The following ZNF264 variants were observed in gnomAD, a reference collection of about 807,000 sequenced individuals.
The protein encoded by ZNF264 is zinc finger protein 264.
ZNF264 carries 11 observed loss-of-function variants against 11.2 expected under a neutral mutation model. The observed-to-expected ratio is 0.98, with a 90% CI of 0.62 to 1.63. ZNF264 has a LOEUF of 1.63. ZNF264 is among the 40% of genes most tolerant of loss of function. ZNF264 has a pLI of 0.00. For missense variants in ZNF264, 752 were observed against 768.1 expected, an observed-to-expected ratio of 0.98 and a Z score of 0.25; for synonymous variants, 309 against 279.8, an observed-to-expected ratio of 1.10 and a Z score of -1.04.
In ZNF264 at chr19:57,212,970, T is replaced by A; in HGVS notation, c.1873T>A (p.Ser625Thr). 1 of 1,603,998 alleles carries A rather than the reference T, an allele frequency of 6.2e-7. No homozygotes were observed. Among genetic ancestry groups the A allele is most frequent in the Non-Finnish European group, 8.5e-7 (1 of 1,174,132 alleles). Residue 625 changes from serine to threonine, a missense_variant, in exon 4 of 4, where the codon TCT becomes ACT. Ser to Thr is a moderately conservative substitution (Grantham distance 58). Transcript: ENST00000263095. ...QPYQRETPQVSSL is the reference protein window; with the variant it reads ...QPYQRETPQVTSL ...ATACCAAAGAGAAACCCCACAAGTG[T>A]CTTCACTGTGAGAAAACCTTCTGTT...
At position 57,191,932 on chromosome 19, in the gene ZNF264, A is replaced by G; in HGVS notation, c.19A>G (p.Thr7Ala). The change falls in exon 1 of 4, where the codon ACG becomes GCG. Residue 7 changes from threonine (T) to alanine (A), a missense_variant. Coordinates refer to ENST00000263095, the MANE Select transcript of ZNF264 (RefSeq NM_003417.5). ...TGACGTGATGGCGGCAGCGGTGCTG[A>G]CGGACCGGGCCCAGGTGAGTGGACG... MAAAVLTDRAQVSVTFD... is the reference protein window; with the variant it reads MAAAVLADRAQVSVTFD... 1 of 1,535,256 alleles carries G rather than the reference A, an allele frequency of 6.5e-7. No homozygotes were observed. Among genetic ancestry groups the G allele is most frequent in the East Asian group, 2.6e-5 (1 of 39,150 alleles).
chr19:57,193,922 G>A lies in ZNF264; in HGVS notation c.81G>A (p.Glu27=). 6.2e-7 allele frequency: 1 copy of A among 1,614,152 alleles called. No individual in the cohort carries two copies. Among genetic ancestry groups the A allele is most frequent in the Non-Finnish European group, 8.5e-7 (1 of 1,180,012 alleles). The change falls in exon 2 of 4, where the codon GAG becomes GAA. Residue 27 remains glutamate (E), a synonymous_variant. Transcript: ENST00000263095. The part of the protein sequence containing the change: ...DDVAVTFTKE[E]WGQLDLAQRT... ...TGGCTGTGACTTTCACCAAGGAGGA[G>A]TGGGGGCAGCTGGACCTAGCTCAGC...
chr19:57,207,842 T>C (rs1413568108), intron 3 of ZNF264, among the ~76,000 whole-genome samples: 1 of 152,130 alleles, frequency 6.6e-6, no homozygotes, highest in South Asian at 2.1e-4. Flanking sequence ...TTCTCCTGCC[T>C]CAGCCTCCCG....
rs2087286527 is a variant in ZNF264, at chr19:57,205,612, A to G, written c.256+120A>G. The G allele has an allele frequency of 4.6e-6, 4 of 866,602 alleles. No homozygotes were observed. The African/African-American group carries it at 5.0e-5, about 11-fold the overall frequency. The allele number at this position is 866,602 out of a possible 1,614,324, so 53.7% of individuals were successfully genotyped here. A position where few individuals can be genotyped will look rare whatever the true frequency, so the allele number is the denominator to read the frequency against. On this transcript the variant is annotated intron_variant, in intron 3 of 3. Transcript: ENST00000263095. ...TGGCCTCTCTCTATATAACTCTTAT[A>G]TAACTCTATCACACTAGAATGTTCC...
In ZNF264 at chr19:57,219,554, CTTG is replaced by C. The variant is rs1430739219; in HGVS notation, c.*6576_*6578del. On this transcript the variant is annotated 3_prime_UTR_variant, in exon 4 of 4. Coordinates refer to ENST00000263095, the MANE Select transcript of ZNF264 (RefSeq NM_003417.5). Reference sequence around the variant, plus strand: ...CTTCCATCATTTGTCCTCTTACTTCCTTGTTAGAACTTTGTGCTGCTGACCACC... The same window carrying C: ...CTTCCATCATTTGTCCTCTTACTTCCTTAGAACTTTGTGCTGCTGACCACC... The C allele has an allele frequency of 6.6e-6, 1 of 152,238 alleles. No homozygotes were observed. The highest frequency in any genetic ancestry group is 2.4e-5 in the African/African-American group (1 of 41,434). 9.4% of individuals were successfully genotyped at this position (152,238 alleles called of 1,614,324 possible).
At chr19:57,203,073 T>C (rs1054366453) in intron 2 of ZNF264, among the ~76,000 whole-genome samples, 1 of 152,038 alleles carries the variant, frequency 6.6e-6, no homozygotes, top group African/African-American at 2.4e-5. Context: ...GGTGTGAGAG[T>C]AGAGAAAAAA....
In ZNF264 at chr19:57,218,913, C is replaced by T. The variant is rs1599959036; in HGVS notation, c.*5932C>T. 1 of 152,138 alleles carries T rather than the reference C, an allele frequency of 6.6e-6. No individual in the cohort carries two copies. Among genetic ancestry groups the T allele is most frequent in the South Asian group, 2.1e-4 (1 of 4,828 alleles). The allele number at this position is 152,138 out of a possible 1,614,324, so 9.4% of individuals were successfully genotyped here. The stretch of plus-strand genomic sequence containing the variant: ...ACAACTATATTCCAAAGTCATGGTT[C>T]TCTGGTGGTTTGTCTTGACATTTGA... On this transcript the variant is annotated 3_prime_UTR_variant, in exon 4 of 4. Transcript: ENST00000263095.
intron 2 of ZNF264, among the ~76,000 whole-genome samples, chr19:57,202,336 C>T (rs1202137509): frequency 6.6e-6 from 1 of 151,950 alleles, no homozygotes; most frequent in Non-Finnish European, 1.5e-5. Context: ...AGGGCATATG[C>T]TGGGCCTCAT....
At chr19:57,194,907 T>C in intron 2 of ZNF264, 1 of 399,572 alleles carries the variant, frequency 2.5e-6, no homozygotes. Flanking sequence ...GTGGGAAGTA[T>C]TATTGTATTG....
chr19:57,202,295 A>C (rs142238603), intron 2 of ZNF264, among the ~76,000 whole-genome samples: 1 of 152,070 alleles, frequency 6.6e-6, no homozygotes, highest in African/African-American at 2.4e-5. Flanking sequence ...CATTGAAAGA[A>C]GAATTCATTA....
At chr19:57,211,030 C>T (rs533822762) in intron 3 of ZNF264, among the ~76,000 whole-genome samples, 1 of 152,188 alleles carries the variant, frequency 6.6e-6, no homozygotes, top group Non-Finnish European at 1.5e-5. Context: ...ACAGCATGTC[C>T]TTGCTTAGTT....
At chr19:57,211,233 T>A in intron 3 of ZNF264, 121 bp from the exon 4 acceptor site, 1 of 1,030,684 alleles carries the variant, frequency 9.7e-7, no homozygotes, top group South Asian at 1.8e-5. Context: ...GAATTTGAGA[T>A]ACAGAAAATA....
intron 3 of ZNF264, among the ~76,000 whole-genome samples, chr19:57,208,268 T>A (rs1431172103): frequency 6.6e-6 from 1 of 152,168 alleles, no homozygotes; most frequent in Non-Finnish European, 1.5e-5. Flanking sequence ...TAGATTTGGC[T>A]GGCACAGTGG....
At chr19:57,194,103 A>G in intron 2 of ZNF264, 102 bp downstream of exon 2, 2 of 1,470,620 alleles carry the variant, frequency 1.4e-6, no homozygotes, top group South Asian at 1.4e-5. Context: ...TCTAGAATCT[A>G]CCTTGCCTCT....
intron 2 of ZNF264, among the ~76,000 whole-genome samples, chr19:57,196,798 T>G (rs1180101015): frequency 6.6e-6 from 1 of 151,918 alleles, no homozygotes. Flanking sequence ...TTCCCCAGAT[T>G]TCTTTGTCAC....
At chr19:57,196,270 G>A (rs1378501231) in intron 2 of ZNF264, among the ~76,000 whole-genome samples, 1 of 151,922 alleles carries the variant, frequency 6.6e-6, no homozygotes, top group Non-Finnish European at 1.5e-5. Flanking sequence ...CCATTACGAT[G>A]GATAAAGCAT....
intron 1 of ZNF264, among the ~76,000 whole-genome samples, chr19:57,193,055 T>C (rs760198992): frequency 6.6e-6 from 1 of 152,114 alleles, no homozygotes; most frequent in South Asian, 2.1e-4. Flanking sequence ...TCAGGGCTAA[T>C]TGAAATAGAC....
At chr19:57,202,702 T>A (rs113211097) in intron 2 of ZNF264, among the ~76,000 whole-genome samples, 6 of 151,904 alleles carry the variant, frequency 3.9e-5, no homozygotes, top group African/African-American at 1.5e-4. Context: ...CGCCACACCT[T>A]GCCCTAGGAG....
At chr19:57,206,730 T>C (rs970679624) in intron 3 of ZNF264, among the ~76,000 whole-genome samples, 12 of 151,728 alleles carry the variant, frequency 7.9e-5, no homozygotes, top group Admixed American at 6.6e-4. Context: ...AATTTCTCTT[T>C]CCACTTATAT....
Sources: gnomAD v4.1 joint callset for allele counts (sites outside exome capture counted in the v4.1 genomes callset) on GRCh38, gnomAD v4.1.1 for gene constraint, MANE v1.5 for transcripts, NCBI Gene and HGNC (gene_info 2026-07-23, HGNC 2026-07-21) for gene names.